The following TMEM117 variants were observed in gnomAD, a reference collection of about 807,000 sequenced individuals.
TMEM117 encodes transmembrane protein 117.
Under a neutral mutation model 52.4 loss-of-function variants are expected in TMEM117, and 27 were observed. The observed-to-expected ratio is 0.51, with a 90% CI of 0.38 to 0.71. The LOEUF (loss-of-function observed/expected upper bound fraction) is 0.71, where lower values mean the gene tolerates loss of function less well. Among genes scored for constraint, TMEM117 ranks in the 30% least tolerant of loss-of-function variants. TMEM117 has a pLI of 0.00. For missense variants in TMEM117, 556 were observed against 630.5 expected (o/e 0.88, Z 1.26); for synonymous variants, 215 against 206.3 (o/e 1.04, Z -0.36).
chr12:43,935,575 G>T (rs1944938521), intron 2 of TMEM117, among the ~76,000 whole-genome samples: 1 of 152,126 alleles, frequency 6.6e-6, no homozygotes. Context: ...TTCTTTTAGT[G>T]GGTAAGGATA....
intron 5 of TMEM117, among the ~76,000 whole-genome samples, chr12:44,243,851 C>T (rs1019460965): frequency 6.7e-6 from 1 of 149,074 alleles, no homozygotes; most frequent in Non-Finnish European, 1.5e-5. Context: ...TTTTAAGATT[C>T]CACACATAAG....
intron 6 of TMEM117, among the ~76,000 whole-genome samples, chr12:44,374,646 GTGTGTGTGTA>G (rs1349273286): frequency 3.3e-5 from 5 of 151,184 alleles, no homozygotes; most frequent in Non-Finnish European, 5.9e-5. Flanking sequence ...GTGTGTGTGT[GTGTGTGTGTA>G]TGTGTGTGTA....
At chr12:44,168,298 T>A (rs1034203265) in intron 4 of TMEM117, among the ~76,000 whole-genome samples, 1 of 152,036 alleles carries the variant, frequency 6.6e-6, no homozygotes, top group African/African-American at 2.4e-5. Flanking sequence ...GATTGATGGC[T>A]ACCTTGGAGA....
In TMEM117 at chr12:43,875,876, A is replaced by G. The variant is rs544601422; in HGVS notation, c.277+30948A>G. On this transcript the variant is annotated intron_variant, in intron 2 of 7. Transcript: ENST00000266534. ...ATATTACGTTTTTTTTTCCCCTGGG[A>G]TGATATGAGTCCACAAGCTTCATCT... 2.3e-4 allele frequency among the ~76,000 whole-genome samples: 35 copies of G among 151,884 alleles called. 1 individual carries two copies. The South Asian group carries it at 6.0e-3, about 26-fold the overall frequency.
intron 5 of TMEM117, among the ~76,000 whole-genome samples, chr12:44,266,453 A>G (rs1950378795): frequency 6.6e-6 from 1 of 151,998 alleles, no homozygotes; most frequent in South Asian, 2.1e-4. Flanking sequence ...ATATTTACCC[A>G]TTTTTAAATT....
chr12:43,806,450 C>T, the TMEM117 span: 1 of 1,050,838 alleles, frequency 9.5e-7, no homozygotes, highest in Non-Finnish European at 1.2e-6. Context: ...CGGTCCAGCC[C>T]CCGGCCTCGC....
intron 3 of TMEM117, among the ~76,000 whole-genome samples, chr12:43,951,952 A>G (rs1945230518): frequency 6.6e-6 from 1 of 152,194 alleles, no homozygotes; most frequent in South Asian, 2.1e-4. Flanking sequence ...GCAGGCCGCA[A>G]TCTTTGCTGT....
chr12:44,074,926 A>G (rs1947357751), intron 3 of TMEM117, among the ~76,000 whole-genome samples: 1 of 152,168 alleles, frequency 6.6e-6, no homozygotes, highest in Non-Finnish European at 1.5e-5. Flanking sequence ...CACTCTTTAT[A>G]CACTAATGCA....
At chr12:43,971,343 A>T (rs1945583411) in intron 3 of TMEM117, among the ~76,000 whole-genome samples, 1 of 152,180 alleles carries the variant, frequency 6.6e-6, no homozygotes, top group Non-Finnish European at 1.5e-5. Context: ...TGTCTTCAAA[A>T]TTAAGTCCAA....
chr12:43,954,700 G>A lies in TMEM117; in HGVS notation c.410+10358G>A, dbSNP rs375184727. Among the ~76,000 whole-genome samples the A allele has an allele frequency of 7.9e-5, 12 of 152,026 alleles. No individual in the cohort carries two copies. In the East Asian group the frequency reaches 2.3e-3, roughly 29 times the overall value. On this transcript the variant is annotated intron_variant, in intron 3 of 7. Coordinates refer to ENST00000266534, the MANE Select transcript of TMEM117 (RefSeq NM_032256.3). Reference sequence around the variant, plus strand: ...AGCCCAGGTCCAGAATTCTACCAGAGGTACAAAGAGGAGCTGGTACCATTT... The same window carrying A: ...AGCCCAGGTCCAGAATTCTACCAGAAGTACAAAGAGGAGCTGGTACCATTT...
intron 3 of TMEM117, among the ~76,000 whole-genome samples, chr12:44,115,137 T>C (rs1161405251): frequency 6.6e-6 from 1 of 152,200 alleles, no homozygotes; most frequent in Admixed American, 6.5e-5. Context: ...TCCTTTAAAA[T>C]CCTCTACTCT....
chr12:44,312,173 C>G (rs1950999193), intron 6 of TMEM117, among the ~76,000 whole-genome samples: 1 of 151,698 alleles, frequency 6.6e-6, no homozygotes, highest in Non-Finnish European at 1.5e-5. Flanking sequence ...GATGATGATC[C>G]TATCATCTAT....
At chr12:43,940,940 A>T (rs1371557002) in intron 2 of TMEM117, among the ~76,000 whole-genome samples, 1 of 152,150 alleles carries the variant, frequency 6.6e-6, no homozygotes, top group African/African-American at 2.4e-5. Flanking sequence ...TCCAGAAAAA[A>T]TTCTGAAGTT....
intron 3 of TMEM117, among the ~76,000 whole-genome samples, chr12:44,141,578 C>T (rs1170232995): frequency 6.6e-6 from 1 of 152,068 alleles, no homozygotes; most frequent in Non-Finnish European, 1.5e-5. Flanking sequence ...CCTAAAATTT[C>T]CACTCTACCC....
At chr12:44,320,150 C>T (rs1056502221) in intron 6 of TMEM117, among the ~76,000 whole-genome samples, 8 of 152,212 alleles carry the variant, frequency 5.3e-5, no homozygotes, top group African/African-American at 1.9e-4. Context: ...ACCCTTCAAA[C>T]AGTTATCTAT....
At chr12:44,315,456 G>A (rs1951042124) in intron 6 of TMEM117, among the ~76,000 whole-genome samples, 1 of 152,160 alleles carries the variant, frequency 6.6e-6, no homozygotes, top group South Asian at 2.1e-4. Context: ...TGTGTTGACT[G>A]TTCGTTTCTT....
intron 2 of TMEM117, among the ~76,000 whole-genome samples, chr12:43,849,027 A>G (rs1943260837): frequency 6.6e-6 from 1 of 152,186 alleles, no homozygotes; most frequent in African/African-American, 2.4e-5. Context: ...GTGATTCCCA[A>G]GTAGGGTGTG....
intron 3 of TMEM117, chr12:44,010,167 C>CTG (rs1392495074): frequency 3.9e-6 from 2 of 517,182 alleles, no homozygotes; most frequent in African/African-American, 3.8e-5. Context: ...AGTTTTAACC[C>CTG]TGTGTGTGAC....
At chr12:43,806,426 T>G in the TMEM117 span, 22 of 1,130,990 alleles carry the variant, frequency 1.9e-5, no homozygotes, top group Admixed American at 1.5e-4. Flanking sequence ...CCGCCCTTCC[T>G]GGCCGCCGGG....
Sources: allele counts gnomAD v4.1 joint callset (sites outside exome capture counted in the v4.1 genomes callset), GRCh38; gene constraint gnomAD v4.1.1; transcripts MANE v1.5; gene names NCBI Gene and HGNC (gene_info 2026-07-23, HGNC 2026-07-21).